SGCD: variants seen among roughly 807,000 people sequenced by gnomAD.
SGCD encodes the protein sarcoglycan delta.
SGCD carries 18 observed loss-of-function variants against 36.6 expected under a neutral mutation model. The ratio of observed to expected loss-of-function variants is 0.49; its 90% CI spans 0.34 to 0.73. The LOEUF (loss-of-function observed/expected upper bound fraction) is 0.73. SGCD is among the 30% of genes least tolerant of loss of function. SGCD has a pLI of 0.01. For synonymous variants in SGCD, 133 were observed against 130.6 expected (o/e 1.02, Z -0.12); for missense variants, 387 against 346.7 (o/e 1.12, Z -0.92).
chr5:156,485,149 C>A (rs544558592), intron 3 of SGCD, among the ~76,000 whole-genome samples: 1 of 152,122 alleles, frequency 6.6e-6, no homozygotes, highest in Non-Finnish European at 1.5e-5. Flanking sequence ...CTCACCAAAC[C>A]TTTTAGACAT....
At chr5:156,625,813 G>A (rs905574823) in intron 6 of SGCD, among the ~76,000 whole-genome samples, 2 of 152,204 alleles carry the variant, frequency 1.3e-5, no homozygotes, top group Admixed American at 6.5e-5. Flanking sequence ...GTTGTTTGAT[G>A]CTTAATATCA....
chr5:156,536,288 A>G (rs758947658), intron 4 of SGCD, among the ~76,000 whole-genome samples: 1 of 152,170 alleles, frequency 6.6e-6, no homozygotes, highest in South Asian at 2.1e-4. Context: ...ATTGGTCTCT[A>G]GTTAGTGTGT....
intron 5 of SGCD, among the ~76,000 whole-genome samples, chr5:156,589,867 G>A (rs902236558): frequency 1.3e-5 from 2 of 152,172 alleles, no homozygotes; most frequent in African/African-American, 4.8e-5. Context: ...GCAGATCTGT[G>A]CCTAACGGCT....
intron 1 of SGCD, among the ~76,000 whole-genome samples, chr5:155,871,448 T>C (rs1755653736): frequency 6.6e-6 from 1 of 152,014 alleles, no homozygotes; most frequent in Non-Finnish European, 1.5e-5. Context: ...CCAGACCTTA[T>C]GCCAGGTAGT....
chr5:156,122,355 A>G (rs1762062912), intron 2 of SGCD, among the ~76,000 whole-genome samples: 1 of 152,216 alleles, frequency 6.6e-6, no homozygotes, highest in Non-Finnish European at 1.5e-5. Context: ...ATAAACAGGT[A>G]GACATGTAAT....
In SGCD at chr5:156,384,184, G is replaced by C. The variant is rs1290821218; in HGVS notation, c.192+39507G>C. ...GAGGACTGGATACTTCGCATTGCTG[G>C]AATGGACCATGTTCTTTCTTACTTC... On this transcript the variant is annotated intron_variant, in intron 3 of 8. Transcript: ENST00000337851. Among the ~76,000 whole-genome samples the C allele has an allele frequency of 3.3e-5, 5 of 152,306 alleles. No homozygotes were observed. In the East Asian group the frequency reaches 9.6e-4, roughly 29 times the overall value.
At chr5:156,497,020 G>C (rs256840) in intron 3 of SGCD, among the ~76,000 whole-genome samples, 37,392 of 152,036 alleles carry the variant, frequency 0.25, 4,786 homozygotes, top group East Asian at 0.41. Context: ...TCTTGACTAC[G>C]TAAATGTTCA....
At chr5:156,097,986 C>T (rs1032400396) in intron 1 of SGCD, among the ~76,000 whole-genome samples, 10 of 152,094 alleles carry the variant, frequency 6.6e-5, no homozygotes, top group Non-Finnish European at 1.2e-4. Context: ...TCTCACTTGC[C>T]CCAGCTTATA....
At chr5:156,131,551 T>C (rs1762324397) in intron 3 of SGCD, among the ~76,000 whole-genome samples, 1 of 152,248 alleles carries the variant, frequency 6.6e-6, no homozygotes, top group Non-Finnish European at 1.5e-5. Context: ...CTGTTGTATG[T>C]GGCAGCTCAG....
chr5:156,752,023 C>A (rs1446943421), intron 7 of SGCD, among the ~76,000 whole-genome samples: 1 of 152,174 alleles, frequency 6.6e-6, no homozygotes, highest in Non-Finnish European at 1.5e-5. Flanking sequence ...CCAAAACCAA[C>A]CCAGTGTTCG....
chr5:156,681,139 C>T (rs1056808921), intron 7 of SGCD, among the ~76,000 whole-genome samples: 1 of 152,172 alleles, frequency 6.6e-6, no homozygotes, highest in Non-Finnish European at 1.5e-5. Context: ...AGCCACTGTC[C>T]TCTCGGCACC....
At chr5:156,606,030 G>A (rs2113435902) in intron 6 of SGCD, among the ~76,000 whole-genome samples, 1 of 152,298 alleles carries the variant, frequency 6.6e-6, no homozygotes, top group African/African-American at 2.4e-5. Context: ...CCTTTGCTGT[G>A]CAGAAGCTCT....
chr5:156,078,362 A>C (rs979311837), intron 1 of SGCD, among the ~76,000 whole-genome samples: 1 of 151,296 alleles, frequency 6.6e-6, no homozygotes, highest in African/African-American at 2.4e-5. Context: ...AACAGTACAA[A>C]ATTCGCCGGA....
intron 6 of SGCD, among the ~76,000 whole-genome samples, chr5:156,618,703 G>C (rs79154421): frequency 0.017 from 2,663 of 152,182 alleles, 32 homozygotes; most frequent in Non-Finnish European, 0.029. Flanking sequence ...CAGTGGTTCG[G>C]TTTTCCCCTC....
intron 4 of SGCD, among the ~76,000 whole-genome samples, chr5:156,563,758 C>T (rs1759366226): frequency 6.6e-6 from 1 of 150,828 alleles, no homozygotes; most frequent in Non-Finnish European, 1.5e-5. Context: ...TCAAGTTTTT[C>T]AATCTAAATT....
rs1757533733 is a variant in SGCD, at chr5:156,763,537, G to A, written c.*4147G>A. The A allele has an allele frequency of 6.6e-6, 1 of 152,352 alleles. No individual in the cohort carries two copies. Among genetic ancestry groups the A allele is most frequent in the East Asian group, 1.9e-4 (1 of 5,188 alleles). The allele number at this position is 152,352 out of a possible 1,614,324, so 9.4% of individuals were successfully genotyped here. On this transcript the variant is annotated 3_prime_UTR_variant, in exon 9 of 9. Coordinates refer to ENST00000337851, the MANE Select transcript of SGCD (RefSeq NM_000337.6). ...AGTTTGGCTTTATTTCTAAGAATCT[G>A]GGTCTTCATTCTCTGGTGTAGAAGG...
At chr5:156,435,825 G>C (rs569795150) in intron 3 of SGCD, among the ~76,000 whole-genome samples, 1 of 152,204 alleles carries the variant, frequency 6.6e-6, no homozygotes. Flanking sequence ...TTCAACTCAG[G>C]CCTTTGTAAA....
chr5:156,484,154 G>A (rs916105838), intron 3 of SGCD, among the ~76,000 whole-genome samples: 2 of 152,168 alleles, frequency 1.3e-5, no homozygotes, highest in South Asian at 2.1e-4. Flanking sequence ...TCCAGTCAAC[G>A]ACATTGTCAT....
rs144307263 is a variant in SGCD at position 156,264,113 on chromosome 5, G to A, written c.-43-65421G>A. Among the ~76,000 whole-genome samples, 1,085 of 152,118 alleles carry A rather than the reference G, an allele frequency of 7.1e-3. 9 individuals carry two copies. Among genetic ancestry groups the A allele is most frequent in the Non-Finnish European group, 0.012 (816 of 67,952 alleles). On this transcript the variant is annotated intron_variant, in intron 3 of 9. Coordinates refer to the SGCD transcript ENST00000517913. Reference sequence around the variant, plus strand: ...GGACAGTTTGGAGGCTTTAATATACGTATATGTTAGAGAAGAAAGTGTAAT... The same window carrying A: ...GGACAGTTTGGAGGCTTTAATATACATATATGTTAGAGAAGAAAGTGTAAT...
Sources: allele counts gnomAD v4.1 joint callset (sites outside exome capture counted in the v4.1 genomes callset), GRCh38; gene constraint gnomAD v4.1.1; transcripts MANE v1.5; gene names NCBI Gene and HGNC (gene_info 2026-07-23, HGNC 2026-07-21).